NBAS: variants seen among roughly 807,000 people sequenced by gnomAD.
NBAS encodes NAG/BC035112 fusion.
Under a neutral mutation model 302.5 loss-of-function variants are expected in NBAS, and 219 were observed. That is an observed-to-expected ratio of 0.72 (90% CI 0.65 to 0.81). The LOEUF (loss-of-function observed/expected upper bound fraction) is 0.81, where lower values mean the gene tolerates loss of function less well. Ranked by LOEUF, NBAS falls within the 30% of genes least tolerant of loss-of-function variation. The pLI is 0.00. For missense variants in NBAS, 2,932 were observed against 2,841.6 expected (o/e 1.03, Z -0.72); for synonymous variants, 1,118 against 1,021.6 (o/e 1.09, Z -1.80).
chr2:15,196,065 G>A (rs1207841985), intron 48 of NBAS, among the ~76,000 whole-genome samples: 1 of 152,186 alleles, frequency 6.6e-6, no homozygotes, highest in Non-Finnish European at 1.5e-5. Context: ...TCTTCCAAAT[G>A]TACTTTCGTT....
At chr2:15,107,497 G>A in the NBAS span, among the ~76,000 whole-genome samples, 4 of 152,016 alleles carry the variant, frequency 2.6e-5, no homozygotes, top group Admixed American at 6.6e-5. Flanking sequence ...ATACTAAAAG[G>A]TAACAGGAAT....
chr2:15,383,426 A>T (rs1675142169), intron 28 of NBAS, 109 bp from the exon 29 acceptor site: 1 of 788,668 alleles, frequency 1.3e-6, no homozygotes, highest in African/African-American at 1.7e-5. Flanking sequence ...ACCACTCTAT[A>T]TCCACATCAG....
chr2:14,958,291 A>T, the NBAS span, among the ~76,000 whole-genome samples: 17 of 152,338 alleles, frequency 1.1e-4, no homozygotes, highest in African/African-American at 3.8e-4. Flanking sequence ...GCGTCCTTGG[A>T]GAGTCACTTT....
the NBAS span, among the ~76,000 whole-genome samples, chr2:15,114,496 C>A: frequency 6.6e-6 from 1 of 152,106 alleles, no homozygotes; most frequent in African/African-American, 2.4e-5. Flanking sequence ...CTGAAGTATT[C>A]GAGGTTAGGG....
At chr2:15,154,636 G>C in the NBAS span, among the ~76,000 whole-genome samples, 5 of 152,152 alleles carry the variant, frequency 3.3e-5, no homozygotes, top group Non-Finnish European at 7.3e-5. Context: ...GAGAATAAGA[G>C]GTGGGCCCAG....
the NBAS span, among the ~76,000 whole-genome samples, chr2:14,900,234 A>T: frequency 6.6e-6 from 1 of 151,642 alleles, no homozygotes; most frequent in African/African-American, 2.4e-5. Flanking sequence ...CACGCCTTCC[A>T]TGATCCATTC....
In NBAS at chr2:15,417,542, T is replaced by C. The variant is rs1677004353; in HGVS notation, c.2748A>G (p.Arg916=). Residue 916 remains arginine, a synonymous_variant, in exon 24 of 52, where the codon AGA becomes AGG. Transcript: ENST00000281513. The part of the protein sequence containing the change: ...LQQMKDIEKL[R]LLMNSCSEDK... The stretch of plus-strand genomic sequence containing the variant: ...TAAAACCTACACTATTCATCAGTAA[T>C]CTTAGTTTTTCAATGTCTTTCATCT... 1 of 1,612,992 alleles carries C rather than the reference T, an allele frequency of 6.2e-7. No homozygotes were observed. Among genetic ancestry groups the C allele is most frequent in the Admixed American group, 1.7e-5 (1 of 60,002 alleles).
At chr2:14,785,032 C>T in the NBAS span, among the ~76,000 whole-genome samples, 1 of 152,166 alleles carries the variant, frequency 6.6e-6, no homozygotes, top group Admixed American at 6.5e-5. Flanking sequence ...AGAGGTCCTT[C>T]ACGTCCCTTG....
intron 35 of NBAS, among the ~76,000 whole-genome samples, chr2:15,346,972 AGG>A (rs1022645000): frequency 6.6e-6 from 1 of 152,126 alleles, no homozygotes; most frequent in African/African-American, 2.4e-5. Context: ...GGACCCAGGG[AGG>A]GGAACAACAC....
rs376104463 is a variant in NBAS, at chr2:15,553,438, C to T, written c.323G>A (p.Cys108Tyr). 1.3e-5 allele frequency: 21 copies of T among 1,610,288 alleles called. No homozygotes were observed. The African/African-American group carries it at 2.1e-4, about 16-fold the overall frequency. The part of the protein sequence containing the change: ...GKLLAAVQDQ[C>Y]VEIRSAKDDF... Reference sequence around the variant, plus strand: ...TATTAACAATTACCTGATTTCCACACACTGATCTTGAACAGCAGCCAAAAG... The same window carrying T: ...TATTAACAATTACCTGATTTCCACATACTGATCTTGAACAGCAGCCAAAAG... Residue 108 changes from cysteine (C) to tyrosine (Y), a missense_variant, in exon 5 of 52, where the codon TGT (cysteine) becomes TAT (tyrosine). Physicochemically the swap from Cys to Tyr is radical, Grantham distance 194. Coordinates refer to ENST00000281513, the MANE Select transcript of NBAS (RefSeq NM_015909.4).
chr2:15,275,969 A>G, intron 43 of NBAS, 151 bp from the exon 44 acceptor site: 1 of 711,702 alleles, frequency 1.4e-6, no homozygotes, highest in Non-Finnish European at 2.3e-6. Context: ...TCTATTAGAA[A>G]GATCAGGAGA....
chr2:15,248,566 C>T (rs1338307547), intron 44 of NBAS, among the ~76,000 whole-genome samples: 1 of 151,992 alleles, frequency 6.6e-6, no homozygotes, highest in Non-Finnish European at 1.5e-5. Flanking sequence ...GACCACTAGC[C>T]AGACTAATAA....
chr2:15,187,157 T>G (rs1290635005), intron 49 of NBAS, among the ~76,000 whole-genome samples: 1 of 152,152 alleles, frequency 6.6e-6, no homozygotes. Context: ...ATTCTGACTA[T>G]TTGGGTCCTC....
the NBAS span, among the ~76,000 whole-genome samples, chr2:15,096,089 T>G: frequency 6.6e-6 from 1 of 152,220 alleles, no homozygotes; most frequent in African/African-American, 2.4e-5. Context: ...TGGGTCCTAT[T>G]CTTTAGATGT....
At chr2:15,019,340 G>T in the NBAS span, among the ~76,000 whole-genome samples, 3 of 152,100 alleles carry the variant, frequency 2.0e-5, no homozygotes, top group Admixed American at 1.3e-4. Context: ...AAATTGAAGG[G>T]CTTATTCATC....
At chr2:15,027,284 T>C in the NBAS span, among the ~76,000 whole-genome samples, 13 of 152,156 alleles carry the variant, frequency 8.5e-5, no homozygotes, top group African/African-American at 3.1e-4. Context: ...TGATTTTATG[T>C]CTTTAAATAA....
chr2:14,862,818 C>T, the NBAS span, among the ~76,000 whole-genome samples: 2 of 152,138 alleles, frequency 1.3e-5, no homozygotes, highest in Admixed American at 1.3e-4. Context: ...ACAACACAAC[C>T]CAATGGCAGC....
chr2:14,800,192 G>T, the NBAS span, among the ~76,000 whole-genome samples: 1 of 152,092 alleles, frequency 6.6e-6, no homozygotes, highest in African/African-American at 2.4e-5. Flanking sequence ...ATAAGGTTTG[G>T]CTGTGTCCCC....
At chr2:15,409,831 T>C (rs549375855) in intron 25 of NBAS, among the ~76,000 whole-genome samples, 1 of 152,330 alleles carries the variant, frequency 6.6e-6, no homozygotes, top group African/African-American at 2.4e-5. Flanking sequence ...CTTATCCTCA[T>C]CAAAGCTTTA....
Sources: gnomAD v4.1 joint callset for allele counts (sites outside exome capture counted in the v4.1 genomes callset) on GRCh38, gnomAD v4.1.1 for gene constraint, MANE v1.5 for transcripts, NCBI Gene and HGNC (gene_info 2026-07-23, HGNC 2026-07-21) for gene names.